The following TSGA10 variants were observed in gnomAD, a reference collection of about 807,000 sequenced individuals.
TSGA10 encodes the protein testis specific 10.
A neutral mutation model predicts 96.6 loss-of-function variants in TSGA10; 43 were observed. The observed-to-expected ratio is 0.44, with a 90% CI of 0.35 to 0.57. The LOEUF (loss-of-function observed/expected upper bound fraction) is 0.57, where lower values mean the gene tolerates loss of function less well. Among genes scored for constraint, TSGA10 ranks in the 20% least tolerant of loss-of-function variants. TSGA10 has a pLI of 0.01. For synonymous variants in TSGA10, 229 were observed against 269.9 expected (o/e 0.85, Z 1.48); for missense variants, 703 against 834.4 (o/e 0.84, Z 1.94).
rs1323173357 is a variant in TSGA10 at position 99,059,051 on chromosome 2, T to TA, written c.1404+5887dup. On this transcript the variant is annotated intron_variant, in intron 16 of 20. Transcript: ENST00000393483. Reference sequence around the variant, plus strand: ...ACTCTGTCTCAAAAAAAAAAAATAATATATATATATATATATATTTATATA... The same window carrying TA: ...ACTCTGTCTCAAAAAAAAAAAATAATAATATATATATATATATATTTATATA... Among the ~76,000 whole-genome samples, 206 of 61,024 alleles carry TA rather than the reference T, an allele frequency of 3.4e-3. 3 individuals carry two copies. Among genetic ancestry groups the TA allele is most frequent in the Admixed American group, 0.01 (50 of 4,960 alleles). The allele number at this position is 61,024 out of a possible 152,430, so 40.0% of individuals were successfully genotyped here.
chr2:99,098,311 C>T (rs1000858437), intron 10 of TSGA10, among the ~76,000 whole-genome samples: 4 of 150,906 alleles, frequency 2.7e-5, no homozygotes, highest in African/African-American at 9.7e-5. Context: ...TGGTGGCGGG[C>T]ACCTGTAGTC....
At chr2:99,025,325 T>C (rs1266494825) in intron 17 of TSGA10, among the ~76,000 whole-genome samples, 1 of 152,206 alleles carries the variant, frequency 6.6e-6, no homozygotes, top group Non-Finnish European at 1.5e-5. Context: ...TTTATTCAGA[T>C]TTTCTACTTT....
Position 98,997,826 on chromosome 2 carries a change from T to C in TSGA10, c.*371A>G, listed in dbSNP as rs2104754978. The C allele has an allele frequency of 6.0e-6, 1 of 166,604 alleles. No homozygotes were observed. Among genetic ancestry groups the C allele is most frequent in the African/African-American group, 2.4e-5 (1 of 42,190 alleles). The allele number at this position is 166,604 out of a possible 1,614,324, so 10.3% of individuals were successfully genotyped here. A position where few individuals can be genotyped will look rare whatever the true frequency, so the allele number is the denominator to read the frequency against. On this transcript the variant is annotated 3_prime_UTR_variant, in exon 21 of 21. Transcript: ENST00000393483. ...AAACACAAATCACAAAGAAAAAAAA[T>C]TAACCAACCAATTATTTGAGATACC...
intron 14 of TSGA10, among the ~76,000 whole-genome samples, chr2:99,070,453 A>T (rs2085823177): frequency 6.6e-6 from 1 of 152,180 alleles, no homozygotes; most frequent in Admixed American, 6.5e-5. Flanking sequence ...GAAAATGTGT[A>T]TAAAAATAGT....
intron 2 of TSGA10, among the ~76,000 whole-genome samples, chr2:99,124,156 A>C (rs1459223176): frequency 6.6e-6 from 1 of 152,224 alleles, no homozygotes; most frequent in Non-Finnish European, 1.5e-5. Context: ...CCATTATAAC[A>C]ACCACCCTAA....
chr2:99,071,854 A>G lies in TSGA10; in HGVS notation c.959T>C (p.Ile320Thr), dbSNP rs768295810. The G allele has an allele frequency of 1.9e-6, 3 of 1,613,936 alleles. No individual in the cohort carries two copies. Among genetic ancestry groups the G allele is most frequent in the African/African-American group, 1.3e-5 (1 of 75,056 alleles). ...TCTGGAAACGTCTTGTTCACACACAATTAGGGCCTCAGTACACTGTCTATT... is the reference window on the plus strand; with the variant it reads ...TCTGGAAACGTCTTGTTCACACACAGTTAGGGCCTCAGTACACTGTCTATT... ...QASRQCTEAL[I>T]VCEQDVSRMR... Residue 320 changes from isoleucine to threonine, a missense_variant, in exon 14 of 21, where the codon ATT becomes ACT. Physicochemically the swap from Ile to Thr is moderately conservative, Grantham distance 89. Transcript: ENST00000393483.
chr2:99,144,917 CAA>C (rs890706151), intron 1 of TSGA10, among the ~76,000 whole-genome samples: 26 of 152,248 alleles, frequency 1.7e-4, no homozygotes, highest in Admixed American at 1.3e-3. Flanking sequence ...TCGAATAAGG[CAA>C]AGAGACAGGA....
intron 16 of TSGA10, among the ~76,000 whole-genome samples, chr2:99,050,849 C>T (rs1485994677): frequency 6.6e-6 from 1 of 152,034 alleles, no homozygotes; most frequent in Non-Finnish European, 1.5e-5. Context: ...AATGATGGAC[C>T]AGCACACATG....
intron 11 of TSGA10, among the ~76,000 whole-genome samples, chr2:99,080,210 CT>C (rs1009420299): frequency 2.6e-5 from 4 of 152,142 alleles, no homozygotes; most frequent in South Asian, 2.1e-4. Flanking sequence ...TCCATTCAAA[CT>C]TTTTTTTGGT....
Position 99,128,833 on chromosome 2 carries a change from C to T in TSGA10, c.-620-1657G>A, listed in dbSNP as rs922410992. Among the ~76,000 whole-genome samples the T allele has an allele frequency of 4.6e-5, 7 of 152,296 alleles. No homozygotes were observed. The East Asian group carries it at 1.2e-3, about 25-fold the overall frequency. On this transcript the variant is annotated intron_variant, in intron 1 of 20. Transcript: ENST00000393483. ...GCATGATCACGGCTCACTGCAGCCT[C>T]GAACCCCAGGCCCAAGCAATCTTCT...
At chr2:99,056,204 CAA>C (rs60861065) in intron 16 of TSGA10, among the ~76,000 whole-genome samples, 2 of 144,058 alleles carry the variant, frequency 1.4e-5, no homozygotes, top group African/African-American at 5.0e-5. Flanking sequence ...GACTTCGTCT[CAA>C]AAAAAAAAAG....
intron 12 of TSGA10, among the ~76,000 whole-genome samples, chr2:99,077,166 A>T (rs1443926403): frequency 1.1e-5 from 1 of 91,862 alleles, no homozygotes; most frequent in African/African-American, 4.4e-5. Flanking sequence ...TTTGAGACAG[A>T]GTCTTGCTCT....
intron 1 of TSGA10, among the ~76,000 whole-genome samples, chr2:99,153,785 G>T (rs996679334): frequency 6.6e-6 from 1 of 152,156 alleles, no homozygotes; most frequent in Non-Finnish European, 1.5e-5. Flanking sequence ...AAAGAAAGGA[G>T]GTGTCATTAT....
chr2:99,117,537 C>A lies in TSGA10; in HGVS notation c.-140+7G>T. The A allele has an allele frequency of 1.0e-6, 1 of 985,232 alleles. No individual in the cohort carries two copies. Among genetic ancestry groups the A allele is most frequent in the Non-Finnish European group, 1.2e-6 (1 of 829,374 alleles). 61.0% of individuals were successfully genotyped at this position (985,232 alleles called of 1,614,324 possible). On this transcript the variant is annotated splice_region_variant and intron_variant, in intron 4 of 20. Coordinates refer to ENST00000393483, the MANE Select transcript of TSGA10 (RefSeq NM_025244.4). ...ATTAAAATCCTTATCCGTGGTAAAT[C>A]TGGTACCTTGGCTTCTTCAAGTTCC...
intron 2 of TSGA10, among the ~76,000 whole-genome samples, chr2:99,121,449 G>C (rs146159714): frequency 0.08 from 4 of 50 alleles, no homozygotes; most frequent in Non-Finnish European, 0.1. Context: ...ACATCCTTCT[G>C]TGAAGTATAT....
intron 2 of TSGA10, 153 bp downstream of exon 2, chr2:99,126,895 T>G (rs115536651): frequency 7.5e-5 from 49 of 653,438 alleles, no homozygotes; most frequent in Non-Finnish European, 1.0e-4. Context: ...ACTCTATGTT[T>G]ATCAAAATGG....
intron 2 of TSGA10, among the ~76,000 whole-genome samples, chr2:99,122,533 C>T (rs1295397401): frequency 6.8e-6 from 1 of 146,010 alleles, no homozygotes; most frequent in Non-Finnish European, 1.5e-5. Context: ...AATCCCAGGA[C>T]TTTGGGAGGC....
chr2:99,112,893 T>G (rs2091937286), intron 4 of TSGA10, among the ~76,000 whole-genome samples: 1 of 144,192 alleles, frequency 6.9e-6, no homozygotes, highest in Admixed American at 6.8e-5. Context: ...AAACAAAGAC[T>G]TTACACAATG....
At chr2:99,118,972 C>G (rs144196522) in intron 2 of TSGA10, among the ~76,000 whole-genome samples, 1,627 of 152,052 alleles carry the variant, frequency 0.011, 9 homozygotes, top group Middle Eastern at 0.027. Flanking sequence ...GTAAAAGATG[C>G]ATTAAAAACA....
Sources: gnomAD v4.1 joint callset for allele counts (sites outside exome capture counted in the v4.1 genomes callset) on GRCh38, gnomAD v4.1.1 for gene constraint, MANE v1.5 for transcripts, NCBI Gene and HGNC (gene_info 2026-07-23, HGNC 2026-07-21) for gene names.